Variants in CDH13 observed in about 807,000 individuals in gnomAD.
CDH13 encodes cadherin-13.
Under a neutral mutation model 63.8 loss-of-function variants are expected in CDH13, and 24 were observed. The observed-to-expected ratio is 0.38, with a 90% CI of 0.27 to 0.53. CDH13 has a LOEUF of 0.53. CDH13 is among the 20% of genes least tolerant of loss of function. The pLI is 0.85. For synonymous variants in CDH13, 503 were observed against 355.3 expected, an observed-to-expected ratio of 1.42 and a Z score of -4.67; for missense variants, 1,049 against 903.1, an observed-to-expected ratio of 1.16 and a Z score of -2.07.
At chr16:83,748,086 A>T in intron 10 of CDH13, 22 bp from the exon 11 acceptor site, 4 of 1,613,624 alleles carry the variant, frequency 2.5e-6, no homozygotes, top group Non-Finnish European at 3.4e-6. Context: ...GCAGAGTCTG[A>T]CATTGTGGGG....
intron 2 of CDH13, among the ~76,000 whole-genome samples, chr16:82,867,204 T>G (rs1159464175): frequency 2.0e-5 from 3 of 152,176 alleles, no homozygotes; most frequent in Admixed American, 6.5e-5. Flanking sequence ...CTGCTTATAA[T>G]TGGTGGTGTC....
intron 3 of CDH13, among the ~76,000 whole-genome samples, chr16:83,121,139 T>A (rs1482172744): frequency 6.6e-6 from 1 of 152,228 alleles, no homozygotes; most frequent in African/African-American, 2.4e-5. Flanking sequence ...TTATTCTTGC[T>A]TTTTCTTCTG....
intron 6 of CDH13, chr16:83,397,967 G>C (rs2091912474): frequency 6.9e-6 from 1 of 144,412 alleles, no homozygotes; most frequent in African/African-American, 2.6e-5. Context: ...TTCAATGCCT[G>C]CACTGGTCTA....
intron 1 of CDH13, among the ~76,000 whole-genome samples, chr16:82,829,896 C>G (rs1464074305): frequency 2.0e-5 from 3 of 152,182 alleles, no homozygotes; most frequent in African/African-American, 7.2e-5. Context: ...AATGCCTCAT[C>G]TCCTTTGAGG....
chr16:82,840,935 G>A (rs2038984766), intron 1 of CDH13, among the ~76,000 whole-genome samples: 1 of 152,296 alleles, frequency 6.6e-6, no homozygotes, highest in South Asian at 2.1e-4. Flanking sequence ...TAGTGTCAAT[G>A]AGTGAGGAGG....
chr16:82,776,260 AGGGAG>A (rs2035491872), intron 1 of CDH13, among the ~76,000 whole-genome samples: 1 of 133,546 alleles, frequency 7.5e-6, no homozygotes, highest in Non-Finnish European at 1.6e-5. Context: ...GGAGGGAGGG[AGGGAG>A]GAGAGGGAAG....
At chr16:83,557,881 C>T (rs774919806) in intron 7 of CDH13, among the ~76,000 whole-genome samples, 1 of 152,098 alleles carries the variant, frequency 6.6e-6, no homozygotes, top group Non-Finnish European at 1.5e-5. Context: ...GTGACAGAGT[C>T]TTCCAGATAA....
intron 1 of CDH13, among the ~76,000 whole-genome samples, chr16:82,629,325 T>C (rs2150863312): frequency 6.6e-6 from 1 of 152,334 alleles, no homozygotes; most frequent in Non-Finnish European, 1.5e-5. Context: ...TATTTCTATT[T>C]TCAATTGTTA....
intron 11 of CDH13, among the ~76,000 whole-genome samples, chr16:83,750,268 C>T (rs942208718): frequency 1.3e-5 from 2 of 152,054 alleles, no homozygotes; most frequent in African/African-American, 2.4e-5. Context: ...TGCACTCCAG[C>T]CGGGGTGACA....
At chr16:83,433,802 T>C (rs1255145947) in intron 6 of CDH13, among the ~76,000 whole-genome samples, 2 of 151,978 alleles carry the variant, frequency 1.3e-5, no homozygotes, top group East Asian at 3.9e-4. Flanking sequence ...CAGATAAGAG[T>C]GTTTAAATGC....
intron 10 of CDH13, among the ~76,000 whole-genome samples, chr16:83,679,160 A>G (rs769472315): frequency 2.4e-4 from 36 of 152,218 alleles, no homozygotes; most frequent in Non-Finnish European, 4.7e-4. Context: ...CAGTGCTTAG[A>G]TAGAAAGCAT....
intron 4 of CDH13, among the ~76,000 whole-genome samples, chr16:83,181,577 C>T (rs1399587391): frequency 6.6e-6 from 1 of 152,124 alleles, no homozygotes; most frequent in East Asian, 1.9e-4. Context: ...AATCTTATGC[C>T]TGCCTGGTTC....
intron 2 of CDH13, among the ~76,000 whole-genome samples, chr16:82,901,324 CTGTGTGTGTG>C (rs61370328): frequency 3.2e-4 from 42 of 130,472 alleles, no homozygotes; most frequent in Middle Eastern, 3.8e-3. Flanking sequence ...TAGTATTCTC[CTGTGTGTGTG>C]TGTGTGTGTG....
At chr16:83,167,657 A>T (rs1244124772) in intron 4 of CDH13, among the ~76,000 whole-genome samples, 1 of 151,738 alleles carries the variant, frequency 6.6e-6, no homozygotes, top group Non-Finnish European at 1.5e-5. Context: ...CTCTCGTATC[A>T]ATTCCATTTA....
chr16:83,554,065 G>A (rs545777698), intron 7 of CDH13, among the ~76,000 whole-genome samples: 1 of 152,264 alleles, frequency 6.6e-6, no homozygotes, highest in East Asian at 1.9e-4. Flanking sequence ...AGGTCAAAAG[G>A]TATGATCATT....
intron 6 of CDH13, among the ~76,000 whole-genome samples, chr16:83,466,169 G>A (rs962405708): frequency 3.3e-5 from 5 of 152,160 alleles, no homozygotes; most frequent in South Asian, 2.1e-4. Flanking sequence ...GTGACGTTAC[G>A]CTGTTTCCGT....
chr16:82,697,579 C>T (rs546690794), intron 1 of CDH13, among the ~76,000 whole-genome samples: 2 of 151,846 alleles, frequency 1.3e-5, no homozygotes, highest in African/African-American at 2.4e-5. Context: ...CAGGTGCCCG[C>T]CACTATGCCC....
At chr16:83,636,931 G>T (rs1275545325) in intron 8 of CDH13, among the ~76,000 whole-genome samples, 1 of 152,036 alleles carries the variant, frequency 6.6e-6, no homozygotes, top group Non-Finnish European at 1.5e-5. Context: ...GTAATTTTTT[G>T]ACTTTTGAAC....
intron 4 of CDH13, among the ~76,000 whole-genome samples, chr16:83,197,532 G>A (rs766307634): frequency 1.4e-4 from 21 of 151,728 alleles, no homozygotes; most frequent in Admixed American, 7.2e-4. Flanking sequence ...ACACCCCTTC[G>A]TCTCCCCTCC....
Sources: gnomAD v4.1 joint callset for allele counts (sites outside exome capture counted in the v4.1 genomes callset) on GRCh38, gnomAD v4.1.1 for gene constraint, MANE v1.5 for transcripts, NCBI Gene and HGNC (gene_info 2026-07-23, HGNC 2026-07-21) for gene names.